POC5: variants seen among roughly 807,000 people sequenced by gnomAD.
POC5 encodes POC5 centriolar protein, also known as centrosomal protein POC5.
POC5 carries 48 observed loss-of-function variants against 62.9 expected under a neutral mutation model. The observed-to-expected ratio is 0.76, with a 90% CI of 0.61 to 0.97. POC5 has a LOEUF of 0.97. Ranked by LOEUF, POC5 falls within the 50% of genes least tolerant of loss-of-function variation. The pLI, the probability that POC5 is intolerant of heterozygous loss-of-function variation, is 0.00. For missense variants in POC5, 696 were observed against 679.5 expected (o/e 1.02, Z -0.27); for synonymous variants, 236 against 228.2 (o/e 1.03, Z -0.31).
At chr5:75,683,567 T>C (rs2112091202) in intron 10 of POC5, among the ~76,000 whole-genome samples, 2 of 152,220 alleles carry the variant, frequency 1.3e-5, no homozygotes, top group South Asian at 4.1e-4. Context: ...CTGCTAGCTC[T>C]GCACAGGTGA....
chr5:75,692,997 C>G (rs1024672103), intron 6 of POC5, among the ~76,000 whole-genome samples: 1 of 147,348 alleles, frequency 6.8e-6, no homozygotes, highest in Admixed American at 6.8e-5. Flanking sequence ...ATATATGTAA[C>G]TATTAATATG....
intron 1 of POC5, among the ~76,000 whole-genome samples, chr5:75,715,041 G>T (rs1425096148): frequency 1.3e-5 from 2 of 151,994 alleles, no homozygotes; most frequent in African/African-American, 4.8e-5. Flanking sequence ...GGCCGGGCAC[G>T]GTGGCTCATG....
intron 6 of POC5, among the ~76,000 whole-genome samples, chr5:75,694,453 G>A (rs961421892): frequency 2.6e-5 from 4 of 152,084 alleles, no homozygotes; most frequent in East Asian, 1.9e-4. Context: ...AAAACATCAA[G>A]AACACAGAAG....
chr5:75,699,499 C>T (rs1485191150), intron 5 of POC5, among the ~76,000 whole-genome samples: 3 of 148,030 alleles, frequency 2.0e-5, no homozygotes, highest in Non-Finnish European at 4.5e-5. Context: ...CAGAAAAGGC[C>T]TTTGACAAAA....
chr5:75,677,835 A>C lies in POC5; in HGVS notation c.1523T>G (p.Ile508Arg), dbSNP rs762351942. ...SKNRISSSLA[I>R]MGVSPPMSSV... ...GCTCATGGGAGGAGAAACTCCCATT[A>C]TAGCTAAACTGCTGCTAATTCTATT... The change falls in exon 11 of 12, where the codon ATA (isoleucine) becomes AGA (arginine). Residue 508 changes from isoleucine to arginine, a missense_variant. Ile to Arg is a moderately conservative substitution (Grantham distance 97). Coordinates refer to ENST00000428202, the MANE Select transcript of POC5 (RefSeq NM_001099271.2). 6.6e-5 allele frequency: 107 copies of C among 1,612,812 alleles called. No individual in the cohort carries two copies. Among genetic ancestry groups the C allele is most frequent in the Non-Finnish European group, 8.7e-5 (103 of 1,179,400 alleles).
At chr5:75,706,487 C>G (rs1244964269) in intron 3 of POC5, among the ~76,000 whole-genome samples, 3 of 152,046 alleles carry the variant, frequency 2.0e-5, no homozygotes, top group African/African-American at 4.8e-5. Flanking sequence ...TAAATGCTAT[C>G]TTACATAAGA....
At position 75,694,761 on chromosome 5, in the gene POC5, T is replaced by C. The variant is rs1413315743; in HGVS notation, c.584A>G (p.Lys195Arg). 2 of 1,588,778 alleles carry C rather than the reference T, an allele frequency of 1.3e-6. No homozygotes were observed. Among genetic ancestry groups the C allele is most frequent in the Non-Finnish European group, 1.7e-6 (2 of 1,158,344 alleles). ...ATGTGCTGCATGTTTTTCTTTCTCT[T>C]TTCTCATTTCCATTCGGTGCCAGTC... ...FIDWHRMEMRKEKEKHAAHLK... is the reference protein window; with the variant it reads ...FIDWHRMEMRREKEKHAAHLK... The change falls in exon 6 of 12, where the codon AAA becomes AGA. Residue 195 changes from lysine (K) to arginine (R), a missense_variant. Lys to Arg is a conservative substitution (Grantham distance 26). Transcript: ENST00000428202.
intron 10 of POC5, among the ~76,000 whole-genome samples, chr5:75,682,732 G>T (rs1247866252): frequency 6.6e-6 from 1 of 151,960 alleles, no homozygotes; most frequent in Non-Finnish European, 1.5e-5. Context: ...GGCCAGCGTG[G>T]TCTCAATCTC....
chr5:75,695,707 A>C (rs1179046614), intron 5 of POC5, among the ~76,000 whole-genome samples: 1 of 152,124 alleles, frequency 6.6e-6, no homozygotes, highest in African/African-American at 2.4e-5. Context: ...GTGGGGGAGG[A>C]GCCAAGATGG....
At chr5:75,692,229 C>T (rs1776367333) in intron 7 of POC5, among the ~76,000 whole-genome samples, 167 bp downstream of exon 7, 1 of 152,100 alleles carries the variant, frequency 6.6e-6, no homozygotes, top group Admixed American at 6.6e-5. Flanking sequence ...AAGATCTAAA[C>T]TGTATTTTTT....
chr5:75,683,523 G>A (rs550397064), intron 10 of POC5, among the ~76,000 whole-genome samples: 1 of 151,984 alleles, frequency 6.6e-6, no homozygotes, highest in Admixed American at 6.6e-5. Context: ...ATGAGCCGCC[G>A]CGCATGGCTT....
At chr5:75,677,323 GAAAAAAGGGGAAGACTTTTTTT>G (rs1561459150) in intron 11 of POC5, among the ~76,000 whole-genome samples, 1 of 151,940 alleles carries the variant, frequency 6.6e-6, no homozygotes. Flanking sequence ...CAATTGTACT[GAAAAAAGGGGAAGACTTTTTTT>G]AAAAAAGGAC....
intron 1 of POC5, among the ~76,000 whole-genome samples, chr5:75,713,279 A>C (rs1777424442): frequency 6.6e-6 from 1 of 152,224 alleles, no homozygotes; most frequent in South Asian, 2.1e-4. Flanking sequence ...AAGACACAGA[A>C]CCAAGAGAGA....
In POC5 at chr5:75,692,195, A is replaced by AAT. The variant is rs946798885; in HGVS notation, c.795+199_795+200dup. Among the ~76,000 whole-genome samples the AAT allele has an allele frequency of 1.6e-4, 25 of 151,990 alleles. No homozygotes were observed. In the South Asian group the frequency reaches 3.5e-3, roughly 21 times the overall value. On this transcript the variant is annotated intron_variant, in intron 7 of 11. Coordinates refer to ENST00000428202, the MANE Select transcript of POC5 (RefSeq NM_001099271.2). ...AAGCAGGAAATGATGTATCTATTGT[A>AAT]ATATATATATATTATATGTCAATAA... is the stretch of plus-strand genomic sequence containing the variant.
intron 10 of POC5, among the ~76,000 whole-genome samples, chr5:75,679,816 A>G (rs963234770): frequency 1.3e-5 from 2 of 152,156 alleles, no homozygotes; most frequent in Admixed American, 6.5e-5. Flanking sequence ...CTTATCTGTA[A>G]TAAGTTAACA....
chr5:75,680,573 A>G (rs1775830079), intron 10 of POC5, among the ~76,000 whole-genome samples: 1 of 152,196 alleles, frequency 6.6e-6, no homozygotes, highest in African/African-American at 2.4e-5. Flanking sequence ...TGTCACTTGT[A>G]CTTGTTAATG....
chr5:75,712,376 C>T, intron 2 of POC5: 1 of 1,602,052 alleles, frequency 6.2e-7, no homozygotes, highest in East Asian at 2.2e-5. Flanking sequence ...GTTAACTGAC[C>T]CACTTCATTT....
intron 1 of POC5, among the ~76,000 whole-genome samples, chr5:75,716,848 G>A (rs1742607966): frequency 6.6e-6 from 1 of 152,164 alleles, no homozygotes; most frequent in African/African-American, 2.4e-5. Context: ...TAGCAGCAGG[G>A]TGATGTCGCC....
chr5:75,680,881 G>T (rs1314838896), intron 10 of POC5, among the ~76,000 whole-genome samples: 2 of 152,094 alleles, frequency 1.3e-5, no homozygotes, highest in South Asian at 4.1e-4. Context: ...TTTAAAACCA[G>T]CAAATTAATA....
Sources: gnomAD v4.1 joint callset for allele counts (sites outside exome capture counted in the v4.1 genomes callset) on GRCh38, gnomAD v4.1.1 for gene constraint, MANE v1.5 for transcripts, NCBI Gene and HGNC (gene_info 2026-07-23, HGNC 2026-07-21) for gene names.